The following DENND2B variants were observed in gnomAD, a reference collection of about 807,000 sequenced individuals.
The protein encoded by DENND2B is DENN domain containing 2B.
DENND2B carries 32 observed loss-of-function variants against 116.0 expected under a neutral mutation model. The observed-to-expected ratio is 0.28, with a 90% CI of 0.21 to 0.37. The LOEUF (loss-of-function observed/expected upper bound fraction) is 0.37. Ranked by LOEUF, DENND2B falls within the 10% of genes least tolerant of loss-of-function variation. The probability of loss-of-function intolerance (pLI) is 1.00; values close to 1 mark genes in which losing one functional copy is unlikely to be tolerated. For missense variants in DENND2B, 1,276 were observed against 1,477.7 expected (o/e 0.86, Z 2.24); for synonymous variants, 588 against 583.9 (o/e 1.01, Z -0.10).
chr11:8,791,649 CCCA>C (rs2059388603), intron 1 of DENND2B, among the ~76,000 whole-genome samples: 1 of 151,860 alleles, frequency 6.6e-6, no homozygotes, highest in Admixed American at 6.6e-5. Flanking sequence ...TGCCTGTAGT[CCCA>C]CCTACTTGGG....
At chr11:8,776,158 G>GACACACACACACACACA (rs2057662627) in intron 1 of DENND2B, 1 of 307,890 alleles carries the variant, frequency 3.2e-6, no homozygotes, top group Non-Finnish European at 6.3e-6. Flanking sequence ...ACGCGCGCGC[G>GACACACACACACACACA]CGCACACACA....
chr11:8,697,789 T>G, intron 16 of DENND2B, 153 bp from the exon 17 acceptor site: 1 of 642,342 alleles, frequency 1.6e-6, no homozygotes. Flanking sequence ...GATGAGGAAC[T>G]GAAGCACAGA....
In DENND2B at chr11:8,704,965, G is replaced by A. The variant is rs143399330; in HGVS notation, c.2571+2120C>T. Among the ~76,000 whole-genome samples, 15 of 152,144 alleles carry A rather than the reference G, an allele frequency of 9.9e-5. No homozygotes were observed. In the East Asian group the frequency reaches 2.5e-3, roughly 26 times the overall value. On this transcript the variant is annotated intron_variant, in intron 13 of 19. Coordinates refer to ENST00000313726, the MANE Select transcript of DENND2B (RefSeq NM_213618.2). ...GATCCCCCCGCCTCAGCCTCCCAAC[G>A]TGCTGGGATTACAAGCACATGAGCC...
At chr11:8,863,165 AAATT>A (rs1264252550) in intron 2 of DENND2B, among the ~76,000 whole-genome samples, 1 of 151,804 alleles carries the variant, frequency 6.6e-6, no homozygotes, top group Non-Finnish European at 1.5e-5. Context: ...ATAAGTAAGT[AAATT>A]AATTAATTAA....
intron 16 of DENND2B, among the ~76,000 whole-genome samples, chr11:8,698,333 G>A (rs2040830917): frequency 6.6e-6 from 1 of 151,948 alleles, no homozygotes; most frequent in Admixed American, 6.6e-5. Flanking sequence ...AAGTTAGACT[G>A]TTGTTTCGTC....
chr11:8,799,517 C>T (rs753419630), intron 1 of DENND2B, among the ~76,000 whole-genome samples: 1 of 151,804 alleles, frequency 6.6e-6, no homozygotes, highest in Non-Finnish European at 1.5e-5. Context: ...CTCACATGTC[C>T]TAGCTATTTT....
chr11:8,804,557 T>G lies in DENND2B; in HGVS notation c.-26+5960A>C, dbSNP rs535822426. On this transcript the variant is annotated intron_variant, in intron 1 of 19. Transcript: ENST00000313726. ...AAATAGCAGCTACTTCTTTTTTTTT[T>G]TTTTTGAGACGAAGTCTTGCTCTGT... Among the ~76,000 whole-genome samples, 72 of 150,192 alleles carry G rather than the reference T, an allele frequency of 4.8e-4. 1 individual carries two copies. The highest frequency in any genetic ancestry group is 1.8e-3 in the African/African-American group (72 of 40,900).
intron 13 of DENND2B, chr11:8,703,419 G>A (rs2042052023): frequency 6.6e-6 from 1 of 152,404 alleles, no homozygotes. Flanking sequence ...CCCAAGGTGA[G>A]TGCCACAGCT....
intron 2 of DENND2B, among the ~76,000 whole-genome samples, chr11:8,877,110 T>TG (rs1306070981): frequency 7.0e-6 from 1 of 142,268 alleles, no homozygotes; most frequent in Non-Finnish European, 1.5e-5. Context: ...CTTTTTTTTT[T>TG]TTTTTTTTTT....
intron 4 of DENND2B, 76 bp from the exon 5 acceptor site, chr11:8,717,968 C>G: frequency 1.4e-5 from 22 of 1,530,306 alleles, no homozygotes; most frequent in Non-Finnish European, 2.0e-5. Context: ...CACAAATAAA[C>G]AAGCAGAATT....
chr11:8,904,554 T>C (rs1745829561), intron 1 of DENND2B, among the ~76,000 whole-genome samples: 1 of 152,164 alleles, frequency 6.6e-6, no homozygotes, highest in South Asian at 2.1e-4. Context: ...TATTCAACAT[T>C]GTACTACAGG....
At chr11:8,701,074 A>C (rs7123653) in intron 14 of DENND2B, among the ~76,000 whole-genome samples, 44,173 of 152,098 alleles carry the variant, frequency 0.29, 7,919 homozygotes, top group Non-Finnish European at 0.41. Context: ...GGCGTGAGCC[A>C]CTGTACCTCA....
chr11:8,781,058 G>C (rs143523378), intron 1 of DENND2B, among the ~76,000 whole-genome samples: 2,230 of 152,286 alleles, frequency 0.015, 29 homozygotes, highest in Middle Eastern at 0.071. Flanking sequence ...TCCTAAAAGT[G>C]AAACTGCTCC....
At chr11:8,777,760 A>AG (rs2057902242) in intron 1 of DENND2B, among the ~76,000 whole-genome samples, 1 of 152,194 alleles carries the variant, frequency 6.6e-6, no homozygotes, top group Admixed American at 6.5e-5. Flanking sequence ...TGTTCAACCC[A>AG]GGGAAAAAAA....
intron 1 of DENND2B, among the ~76,000 whole-genome samples, chr11:8,897,962 C>T (rs75678618): frequency 8.4e-4 from 128 of 152,252 alleles, no homozygotes; most frequent in Non-Finnish European, 1.6e-3. Context: ...CTTGCGAAGA[C>T]AGGGCCTTGC....
intron 1 of DENND2B, among the ~76,000 whole-genome samples, chr11:8,760,879 C>T (rs1406774894): frequency 6.6e-6 from 1 of 152,052 alleles, no homozygotes; most frequent in Non-Finnish European, 1.5e-5. Flanking sequence ...TTTTACAGGC[C>T]CCCGTGAGGC....
chr11:8,861,813 G>A (rs1482794897), intron 2 of DENND2B, among the ~76,000 whole-genome samples: 1 of 152,098 alleles, frequency 6.6e-6, no homozygotes, highest in East Asian at 1.9e-4. Context: ...ATTAAAAAAT[G>A]TGGTATGTAT....
In DENND2B at chr11:8,730,754, G is replaced by C. The variant is rs765918861; in HGVS notation, c.536C>G (p.Pro179Arg). ...CTTCTCTCCACACATGCTCATCCTG[G>C]GCGACGCCTCTCGGCGACCTTCCCA... Reference protein sequence around the residue: ...SAWEGRREASPRMSMCGEKRE... With the variant: ...SAWEGRREASRRMSMCGEKRE... Residue 179 changes from proline (P) to arginine (R), a missense_variant, in exon 3 of 20, where the codon CCC (proline) becomes CGC (arginine). Pro to Arg is a moderately radical substitution (Grantham distance 103). Transcript: ENST00000313726. This position sits in a 1 kb window ranked among gnomAD's most constrained non-coding sequence, Gnocchi z 4.1. The C allele has an allele frequency of 2.8e-5, 45 of 1,612,506 alleles. No individual in the cohort carries two copies. The highest frequency in any genetic ancestry group is 3.7e-5 in the Non-Finnish European group (44 of 1,179,982).
chr11:8,726,132 T>G lies in DENND2B; in HGVS notation c.1418A>C (p.Asn473Thr). Residue 473 changes from asparagine to threonine, a missense_variant, in exon 4 of 20, where the codon AAC (asparagine) becomes ACC (threonine). Physicochemically the swap from Asn to Thr is moderately conservative, Grantham distance 65 (BLOSUM62 0). Around this residue, in one of 2 missense-constraint regions of DENND2B, gnomAD observed 856 missense variants for 846.6 expected, o/e 1.01. Transcript: ENST00000313726. ...PSSPTENGTE[N>T]QPKFGSKSTL... ...GCTTTTGGATCCAAACTTGGGTTGG[T>G]TCTCAGTACCATTCTCAGTGGGAGA... 1 of 1,614,170 alleles carries G rather than the reference T, an allele frequency of 6.2e-7. No individual in the cohort carries two copies. The highest frequency in any genetic ancestry group is 8.5e-7 in the Non-Finnish European group (1 of 1,180,008).
Sources: allele counts gnomAD v4.1 joint callset (sites outside exome capture counted in the v4.1 genomes callset), GRCh38; gene constraint gnomAD v4.1.1; regional missense constraint gnomAD v4.1.1; non-coding constraint Gnocchi (gnomAD v3.1); transcripts MANE v1.5; gene names NCBI Gene and HGNC (gene_info 2026-07-23, HGNC 2026-07-21).